Variants in KCNK10 observed in about 807,000 individuals in gnomAD.
KCNK10 encodes the protein potassium two pore domain channel subfamily K member 10, also known as potassium channel subfamily K member 10.
In KCNK10, 25 loss-of-function variants were observed where a neutral mutation model predicts 47.7. The observed-to-expected ratio is 0.52, with a 90% confidence interval of 0.38 to 0.73. KCNK10 has a LOEUF of 0.73. KCNK10 is among the 30% of genes least tolerant of loss of function. The pLI, the probability that KCNK10 is intolerant of heterozygous loss-of-function variation, is 0.00. For synonymous variants in KCNK10, 303 were observed against 285.6 expected, an observed-to-expected ratio of 1.06 and a Z score of -0.61; for missense variants, 563 against 714.5, an observed-to-expected ratio of 0.79 and a Z score of 2.42.
chr14:88,263,622 C>T, intron 1 of KCNK10, 71 bp from the exon 2 acceptor site: 2 of 1,347,018 alleles, frequency 1.5e-6, no homozygotes, highest in African/African-American at 1.4e-5. Context: ...GTGTCAGAAA[C>T]AAAGCACAGA....
chr14:88,262,469 G>C (rs1887138552), intron 2 of KCNK10, among the ~76,000 whole-genome samples: 1 of 152,084 alleles, frequency 6.6e-6, no homozygotes, highest in South Asian at 2.1e-4. Context: ...TGACTCTCTG[G>C]CTTTCCTATA....
intron 4 of KCNK10, among the ~76,000 whole-genome samples, chr14:88,217,712 A>G (rs1479077096): frequency 7.0e-6 from 1 of 143,002 alleles, no homozygotes; most frequent in African/African-American, 2.8e-5. Flanking sequence ...TTACCACCTC[A>G]CCCAAGTAAT....
chr14:88,221,606 C>A (rs1220909235), intron 4 of KCNK10, among the ~76,000 whole-genome samples: 1 of 152,160 alleles, frequency 6.6e-6, no homozygotes, highest in Non-Finnish European at 1.5e-5. Flanking sequence ...GGTGGAAGTA[C>A]AAAATTGTAT....
At chr14:88,265,424 T>G (rs1013822942) in intron 1 of KCNK10, among the ~76,000 whole-genome samples, 1 of 152,114 alleles carries the variant, frequency 6.6e-6, no homozygotes, top group African/African-American at 2.4e-5. Context: ...CTCTAGAAGC[T>G]GGAAAAGGCA....
chr14:88,226,808 A>G (rs1886001679), intron 4 of KCNK10, among the ~76,000 whole-genome samples: 1 of 152,234 alleles, frequency 6.6e-6, no homozygotes. Flanking sequence ...GGCAATAGCA[A>G]TCATCAACAG....
chr14:88,251,232 C>CAACAA (rs1886789933), intron 2 of KCNK10, among the ~76,000 whole-genome samples: 1 of 70,204 alleles, frequency 1.4e-5, no homozygotes. Context: ...GACTCTGTCT[C>CAACAA]AAAAAAAAAA....
chr14:88,186,070 TC>T lies in KCNK10; in HGVS notation c.1096del (p.Glu366ArgfsTer65). The T allele has an allele frequency of 6.2e-7, 1 of 1,612,598 alleles. No individual in the cohort carries two copies. The highest frequency in any genetic ancestry group is 8.5e-7 in the Non-Finnish European group (1 of 1,179,936). On this transcript the variant is annotated frameshift_variant, in exon 7 of 7. Coordinates refer to ENST00000319231, the MANE Select transcript of KCNK10 (RefSeq NM_138317.3). LOFTEE classifies it high-confidence loss of function. This position sits in a 1 kb window ranked among gnomAD's most constrained non-coding sequence, Gnocchi z 5.5. Reference sequence around the variant, plus strand: ...CGCCCGCTGCAGCTTATCGTGGATCTCCACGCTGAGCCTTCGCCGTGTCTCC... The same window carrying T: ...CGCCCGCTGCAGCTTATCGTGGATCTCACGCTGAGCCTTCGCCGTGTCTCC... ...FRETRRRLSVEIHDKLQRAAT... is the reference protein window; with the variant it reads ...FRETRRRLSVXIHDKLQRAAT...
intron 2 of KCNK10, among the ~76,000 whole-genome samples, chr14:88,249,632 C>T (rs560514165): frequency 7.2e-5 from 11 of 152,258 alleles, no homozygotes; most frequent in East Asian, 1.9e-4. Context: ...CTGCCTTGGC[C>T]GGATCACAGT....
chr14:88,185,357 C>A lies in KCNK10; in HGVS notation c.*178G>T. 3.4e-6 allele frequency: 3 copies of A among 889,348 alleles called. No homozygotes were observed. Among genetic ancestry groups the A allele is most frequent in the Non-Finnish European group, 5.0e-6 (3 of 604,804 alleles). The allele number at this position is 889,348 out of a possible 1,614,324, so 55.1% of individuals were successfully genotyped here. A position where few individuals can be genotyped will look rare whatever the true frequency, so the allele number is the denominator to read the frequency against. ...TGCTATCTGAAATGAAGTTCTTGTT[C>A]TCTGATTCCTTTTGGCAGAGCAAGC... On this transcript the variant is annotated 3_prime_UTR_variant, in exon 7 of 7. Transcript: ENST00000319231. This position sits in a 1 kb window ranked among gnomAD's most constrained non-coding sequence, Gnocchi z 4.3.
chr14:88,246,180 A>T (rs1295789505), intron 2 of KCNK10, among the ~76,000 whole-genome samples: 2 of 150,050 alleles, frequency 1.3e-5, no homozygotes, highest in African/African-American at 4.9e-5. Context: ...GGAGAATGGC[A>T]TGAACCAGGG....
At chr14:88,207,539 G>C (rs1196890127) in intron 4 of KCNK10, among the ~76,000 whole-genome samples, 2 of 152,072 alleles carry the variant, frequency 1.3e-5, no homozygotes, top group Non-Finnish European at 2.9e-5. Flanking sequence ...GGAGGGATAG[G>C]GGATGTCTCA....
chr14:88,299,473 G>A (rs1595128343), intron 1 of KCNK10, among the ~76,000 whole-genome samples: 1 of 152,322 alleles, frequency 6.6e-6, no homozygotes, highest in East Asian at 1.9e-4. Flanking sequence ...CACACAGTAA[G>A]TATCTAATAA....
At chr14:88,256,432 A>G (rs1886957550) in intron 2 of KCNK10, among the ~76,000 whole-genome samples, 1 of 152,140 alleles carries the variant, frequency 6.6e-6, no homozygotes, top group East Asian at 1.9e-4. Context: ...GAGAGAGATC[A>G]GTGGAGCCGG....
intron 4 of KCNK10, among the ~76,000 whole-genome samples, chr14:88,194,183 C>A (rs549221287): frequency 6.6e-6 from 1 of 152,058 alleles, no homozygotes; most frequent in African/African-American, 2.4e-5. Flanking sequence ...ATGAAAATAT[C>A]GACTTTTCCA....
At chr14:88,230,904 T>A (rs1048918360) in intron 3 of KCNK10, among the ~76,000 whole-genome samples, 3 of 152,210 alleles carry the variant, frequency 2.0e-5, no homozygotes, top group African/African-American at 7.2e-5. Context: ...ATAATGTATG[T>A]GGAGCACAAT....
chr14:88,283,753 T>C (rs1373535092), intron 1 of KCNK10, among the ~76,000 whole-genome samples: 1 of 151,532 alleles, frequency 6.6e-6, no homozygotes, highest in Non-Finnish European at 1.5e-5. Context: ...CTACCAAAAA[T>C]ACAAAAAAAA....
chr14:88,291,722 A>G (rs1357916640), intron 1 of KCNK10, among the ~76,000 whole-genome samples: 2 of 152,188 alleles, frequency 1.3e-5, no homozygotes, highest in Admixed American at 1.3e-4. Context: ...GAGGTGTGCA[A>G]TGAGACGGCC....
At position 88,215,598 on chromosome 14, in the gene KCNK10, C is replaced by G. The variant is rs530026975; in HGVS notation, c.681+11777G>C. On this transcript the variant is annotated intron_variant, in intron 4 of 6. Transcript: ENST00000319231. ...ACAGTGCCATAATACTCAGTATTAT[C>G]TCAACAAAATCCTCTCAGACAAATG... Among the ~76,000 whole-genome samples the G allele has an allele frequency of 1.5e-4, 23 of 152,242 alleles. 1 individual carries two copies. In the South Asian group the frequency reaches 4.8e-3, roughly 32 times the overall value.
intron 1 of KCNK10, among the ~76,000 whole-genome samples, chr14:88,294,506 C>T (rs552725488): frequency 6.6e-6 from 1 of 152,354 alleles, no homozygotes; most frequent in East Asian, 1.9e-4. Context: ...ATCAACAATT[C>T]TCTTTTGGGC....
Sources: allele counts gnomAD v4.1 joint callset (sites outside exome capture counted in the v4.1 genomes callset), GRCh38; gene constraint gnomAD v4.1.1; non-coding constraint Gnocchi (gnomAD v3.1); transcripts MANE v1.5; gene names NCBI Gene and HGNC (gene_info 2026-07-23, HGNC 2026-07-21).